Variants in NCOR1 observed in about 807,000 individuals in gnomAD.
The protein encoded by NCOR1 is nuclear receptor corepressor 1.
NCOR1 carries 63 observed loss-of-function variants against 288.1 expected under a neutral mutation model. The observed-to-expected ratio is 0.22, with a 90% CI of 0.18 to 0.27. The LOEUF (loss-of-function observed/expected upper bound fraction) is 0.27. NCOR1 is among the 10% of genes least tolerant of loss of function. NCOR1 has a pLI of 1.00. For missense variants in NCOR1, 2,397 were observed against 3,019.2 expected (o/e 0.79, Z 4.83); for synonymous variants, 1,007 against 1,065.9 (o/e 0.94, Z 1.08).
intron 14 of NCOR1, among the ~76,000 whole-genome samples, chr17:16,128,514 C>G (rs573944464): frequency 1.3e-5 from 2 of 152,314 alleles, no homozygotes; most frequent in South Asian, 4.1e-4. Context: ...CCCCAGCTCC[C>G]AGGAGAGTGT....
chr17:16,190,991 G>A (rs916606027), intron 2 of NCOR1, among the ~76,000 whole-genome samples: 3 of 152,194 alleles, frequency 2.0e-5, no homozygotes, highest in East Asian at 1.9e-4. Flanking sequence ...AGAAGCAACC[G>A]TACAAGGTTT....
intron 2 of NCOR1, among the ~76,000 whole-genome samples, chr17:16,189,769 A>C (rs937650511): frequency 6.6e-6 from 1 of 152,224 alleles, no homozygotes; most frequent in African/African-American, 2.4e-5. Flanking sequence ...AACAAGAATA[A>C]AGTGAAACTT....
intron 23 of NCOR1, among the ~76,000 whole-genome samples, chr17:16,083,247 A>C (rs1440339719): frequency 6.6e-6 from 1 of 151,914 alleles, no homozygotes; most frequent in African/African-American, 2.4e-5. Flanking sequence ...AAAGGAAAAA[A>C]AAAAAAATTC....
At chr17:16,054,878 G>C (rs563336076) in intron 40 of NCOR1, among the ~76,000 whole-genome samples, 1 of 152,308 alleles carries the variant, frequency 6.6e-6, no homozygotes, top group Admixed American at 6.5e-5. Context: ...GTTACAGTGA[G>C]CTAAGATCAC....
chr17:16,127,600 TAC>T (rs1349608065), intron 14 of NCOR1, among the ~76,000 whole-genome samples: 33 of 141,450 alleles, frequency 2.3e-4, no homozygotes, highest in African/African-American at 9.0e-4. Context: ...TATGTATGTA[TAC>T]ATACATATGT....
chr17:16,106,905 T>C, intron 19 of NCOR1, among the ~76,000 whole-genome samples: 3 of 120,698 alleles, frequency 2.5e-5, no homozygotes, highest in Non-Finnish European at 5.2e-5. Flanking sequence ...TTTTTTTTTT[T>C]TTTTTTTGAG....
At chr17:16,193,329 C>T (rs1457625378) in intron 2 of NCOR1, among the ~76,000 whole-genome samples, 1 of 152,094 alleles carries the variant, frequency 6.6e-6, no homozygotes, top group East Asian at 1.9e-4. Context: ...CTCCCAGGTT[C>T]AAGCGATTCT....
At chr17:16,075,269 A>G (rs996152518) in intron 27 of NCOR1, among the ~76,000 whole-genome samples, 2 of 152,232 alleles carry the variant, frequency 1.3e-5, no homozygotes, top group African/African-American at 4.8e-5. Flanking sequence ...TACCTAAGCT[A>G]AACTGACTGA....
chr17:16,205,250 G>C (rs1353350980), intron 1 of NCOR1, among the ~76,000 whole-genome samples: 2 of 151,678 alleles, frequency 1.3e-5, no homozygotes, highest in African/African-American at 4.8e-5. Flanking sequence ...AAAAAAGTGA[G>C]TATGTAGAGA....
rs748949472 is a variant in NCOR1 at position 16,086,345 on chromosome 17, C to T, written c.3114G>A (p.Pro1038=). 24 of 1,613,912 alleles carry T rather than the reference C, an allele frequency of 1.5e-5. No individual in the cohort carries two copies. Among genetic ancestry groups the T allele is most frequent in the East Asian group, 4.5e-5 (2 of 44,888 alleles). Residue 1038 remains proline (P), a synonymous_variant, in exon 23 of 46, where the codon CCG becomes CCA. Coordinates refer to ENST00000268712, the MANE Select transcript of NCOR1 (RefSeq NM_006311.4). The part of the protein sequence containing the change: ...RPTRPPPPLI[P]SSKTTVASEK... ...CTGAAGCCACTGTGGTTTTGGATGA[C>T]GGGATGAGAGGGGGCGGTGGCCTGG...
At chr17:16,127,611 G>C (rs1265167585) in intron 14 of NCOR1, among the ~76,000 whole-genome samples, 1 of 143,574 alleles carries the variant, frequency 7.0e-6, no homozygotes, top group Non-Finnish European at 1.5e-5. Flanking sequence ...ACATACATAT[G>C]TGTATGTGTA....
At chr17:16,194,963 T>C (rs1329649192) in intron 1 of NCOR1, among the ~76,000 whole-genome samples, 1 of 152,110 alleles carries the variant, frequency 6.6e-6, no homozygotes, top group African/African-American at 2.4e-5. Flanking sequence ...AAGACAAAAA[T>C]ACATGGTTTT....
intron 29 of NCOR1, among the ~76,000 whole-genome samples, 172 bp downstream of exon 29, chr17:16,071,973 T>C (rs954129319): frequency 2.0e-5 from 3 of 152,240 alleles, no homozygotes; most frequent in African/African-American, 7.2e-5. Context: ...ATTAAGCAAC[T>C]ATCATCTTCC....
chr17:16,091,948 C>A lies in NCOR1; in HGVS notation c.2931G>T (p.Arg977=), dbSNP rs534096909. The change falls in exon 22 of 46, where the codon CGG becomes CGT. Residue 977 remains arginine (R), a synonymous_variant. Transcript: ENST00000268712. ...MHESALLEEQ[R]QRQEQIDLEC... ...CCAAATCTATCTGTTCTTGTCTCTG[C>A]CGCTGCTCCTCCAGGAGTGCTGACT... is the stretch of plus-strand genomic sequence containing the variant. 323 of 1,614,208 alleles carry A rather than the reference C, an allele frequency of 2.0e-4. 3 individuals carry two copies. The South Asian group carries it at 3.5e-3, about 17-fold the overall frequency.
intron 32 of NCOR1, chr17:16,066,025 AG>A (rs1464667185): frequency 1.2e-5 from 4 of 345,412 alleles, no homozygotes; most frequent in African/African-American, 8.4e-5. Flanking sequence ...TTGTCTTTAT[AG>A]TACTGATCAT....
intron 22 of NCOR1, among the ~76,000 whole-genome samples, chr17:16,088,605 G>A (rs2064632463): frequency 6.6e-6 from 1 of 151,978 alleles, no homozygotes; most frequent in Admixed American, 6.6e-5. Context: ...CTTTTGTAAG[G>A]TGCTTTTAAA....
intron 40 of NCOR1, among the ~76,000 whole-genome samples, chr17:16,053,320 A>G (rs1487250423): frequency 6.6e-6 from 1 of 152,222 alleles, no homozygotes; most frequent in East Asian, 1.9e-4. Flanking sequence ...AAGGTCCTTA[A>G]GCTGATGAAA....
chr17:16,185,220 G>T (rs989353073), intron 3 of NCOR1, among the ~76,000 whole-genome samples: 1 of 151,968 alleles, frequency 6.6e-6, no homozygotes, highest in Non-Finnish European at 1.5e-5. Flanking sequence ...CATGATAAAT[G>T]AGTAGATTTT....
At chr17:16,130,775 C>T (rs2153224835) in intron 14 of NCOR1, among the ~76,000 whole-genome samples, 1 of 152,204 alleles carries the variant, frequency 6.6e-6, no homozygotes, top group East Asian at 1.9e-4. Context: ...CCTATGCCTC[C>T]CAGGCTCAAG....
Sources: allele counts gnomAD v4.1 joint callset (sites outside exome capture counted in the v4.1 genomes callset), GRCh38; gene constraint gnomAD v4.1.1; transcripts MANE v1.5; gene names NCBI Gene and HGNC (gene_info 2026-07-23, HGNC 2026-07-21).